The following JAK2 variants were observed in gnomAD, a reference collection of about 807,000 sequenced individuals.
JAK2 encodes tyrosine-protein kinase JAK2.
Under a neutral mutation model 139.3 loss-of-function variants are expected in JAK2, and 86 were observed. That is an observed-to-expected ratio of 0.62 (90% CI 0.52 to 0.74). JAK2 has a LOEUF of 0.74. Ranked by LOEUF, JAK2 falls within the 30% of genes least tolerant of loss-of-function variation. The probability of loss-of-function intolerance (pLI) is 0.00; values close to 1 mark genes in which losing one functional copy is unlikely to be tolerated. For synonymous variants in JAK2, 490 were observed against 437.7 expected (o/e 1.12, Z -1.49); for missense variants, 1,421 against 1,360.3 (o/e 1.04, Z -0.70).
intron 22 of JAK2, among the ~76,000 whole-genome samples, chr9:5,093,647 G>A (rs879002980): frequency 3.9e-5 from 6 of 151,986 alleles, no homozygotes; most frequent in African/African-American, 1.2e-4. Context: ...TTCAACCTCC[G>A]AACAACCTAA....
intron 22 of JAK2, among the ~76,000 whole-genome samples, chr9:5,095,801 T>A (rs1372036659): frequency 6.6e-6 from 1 of 152,218 alleles, no homozygotes; most frequent in African/African-American, 2.4e-5. Flanking sequence ...ATGATCCCAG[T>A]ACTAACTTAT....
At chr9:5,033,933 G>C (rs138051176) in intron 4 of JAK2, among the ~76,000 whole-genome samples, 191 of 152,244 alleles carry the variant, frequency 1.3e-3, no homozygotes, top group Non-Finnish European at 2.2e-3. Context: ...CCAATTAAAA[G>C]ACACAGACTG....
chr9:5,003,553 TTATATA>T (rs1821065485), intron 2 of JAK2, among the ~76,000 whole-genome samples: 1 of 152,094 alleles, frequency 6.6e-6, no homozygotes, highest in African/African-American at 2.4e-5. Context: ...CAGTTGATTT[TTATATA>T]TTGGTCTTGC....
chr9:5,010,671 T>C lies in JAK2; in HGVS notation c.-25-11292T>C, dbSNP rs140198100. ...AAATGGAAGAAGAATAATATTATAA[T>C]TAATCACATATTTACTATTTTTGAG... On this transcript the variant is annotated intron_variant, in intron 2 of 24. Transcript: ENST00000381652. 8.9e-3 allele frequency among the ~76,000 whole-genome samples: 1,357 copies of C among 152,314 alleles called. 17 individuals carry two copies. The highest frequency in any genetic ancestry group is 0.03 in the African/African-American group (1,232 of 41,574).
intron 22 of JAK2, among the ~76,000 whole-genome samples, chr9:5,119,742 T>G (rs1203941882): frequency 2.0e-5 from 3 of 152,178 alleles, no homozygotes; most frequent in Non-Finnish European, 2.9e-5. Context: ...GCAACTTGTA[T>G]GAAAATCAGA....
chr9:5,041,841 G>A (rs1268263863), intron 4 of JAK2: 1 of 475,514 alleles, frequency 2.1e-6, no homozygotes, highest in Non-Finnish European at 4.2e-6. Flanking sequence ...CACCAATGGG[G>A]AGCTGAACGC....
At chr9:5,012,340 T>A (rs942550185) in intron 2 of JAK2, among the ~76,000 whole-genome samples, 1 of 152,220 alleles carries the variant, frequency 6.6e-6, no homozygotes. Flanking sequence ...TTTGTTTCTT[T>A]GACAATGCCT....
At chr9:5,058,161 A>G (rs557599783) in intron 8 of JAK2, among the ~76,000 whole-genome samples, 1 of 152,296 alleles carries the variant, frequency 6.6e-6, no homozygotes, top group East Asian at 1.9e-4. Flanking sequence ...GGGTGTACAA[A>G]TATCTCTTGA....
chr9:5,110,608 T>C (rs545615932), intron 22 of JAK2: 6 of 190,288 alleles, frequency 3.2e-5, no homozygotes, highest in Middle Eastern at 4.3e-3. Context: ...CTTACAGATA[T>C]GCCTTTCTTC....
At chr9:5,030,313 T>C (rs1394908271) in intron 4 of JAK2, among the ~76,000 whole-genome samples, 1 of 152,192 alleles carries the variant, frequency 6.6e-6, no homozygotes, top group Non-Finnish European at 1.5e-5. Context: ...AAAGAGACTT[T>C]TCCCAGTGTG....
intron 2 of JAK2, among the ~76,000 whole-genome samples, chr9:5,009,301 G>C (rs1375076497): frequency 1.3e-5 from 2 of 152,110 alleles, no homozygotes; most frequent in East Asian, 1.9e-4. Flanking sequence ...ACTGCTTCAT[G>C]ATAAAGAATA....
intron 2 of JAK2, among the ~76,000 whole-genome samples, chr9:4,995,043 A>G (rs1319003029): frequency 6.6e-6 from 1 of 152,214 alleles, no homozygotes; most frequent in Non-Finnish European, 1.5e-5. Context: ...TGCCAAATTG[A>G]CATAGAAATA....
intron 22 of JAK2, among the ~76,000 whole-genome samples, chr9:5,120,839 C>T (rs1823561613): frequency 6.6e-6 from 1 of 152,058 alleles, no homozygotes; most frequent in Non-Finnish European, 1.5e-5. Flanking sequence ...AATTGAGCAG[C>T]TAAATAGATT....
rs186761320 is a variant in JAK2 at position 5,118,521 on chromosome 9, T to C, written c.3060-4483T>C. 7.0e-4 allele frequency among the ~76,000 whole-genome samples: 106 copies of C among 152,322 alleles called. 1 individual carries two copies. The highest frequency in any genetic ancestry group is 6.8e-3 in the South Asian group (33 of 4,826). On this transcript the variant is annotated intron_variant, in intron 22 of 24. Transcript: ENST00000381652. ...CAATGTAAATAACAAATTTGGATAA[T>C]TGCTTTAAAAATTTTATTGGTGAAT...
intron 22 of JAK2, chr9:5,114,003 G>A (rs1564018545): frequency 1.4e-5 from 4 of 275,992 alleles, no homozygotes; most frequent in African/African-American, 2.2e-5. Context: ...TGGGCAGGTC[G>A]TGGATGTGAA....
intron 22 of JAK2, chr9:5,099,019 C>T (rs1440705557): frequency 1.3e-5 from 2 of 152,044 alleles, no homozygotes; most frequent in African/African-American, 4.8e-5. Context: ...TTATATAACC[C>T]CAACACCAGA....
intron 2 of JAK2, among the ~76,000 whole-genome samples, chr9:5,000,683 G>A (rs1247944171): frequency 6.6e-6 from 1 of 151,980 alleles, no homozygotes. Context: ...TTTAGTGGAA[G>A]GTTTTAATAC....
chr9:5,048,472 G>C (rs988192982), intron 5 of JAK2, among the ~76,000 whole-genome samples: 5 of 152,064 alleles, frequency 3.3e-5, no homozygotes, highest in Non-Finnish European at 4.4e-5. Context: ...ACCAAGGCAG[G>C]CTATTAAAAA....
At chr9:5,115,523 G>C (rs944813906) in intron 22 of JAK2, among the ~76,000 whole-genome samples, 2 of 152,122 alleles carry the variant, frequency 1.3e-5, no homozygotes, top group Non-Finnish European at 1.5e-5. Flanking sequence ...AGGATCCAGA[G>C]TTAGAAATAC....
Sources: allele counts gnomAD v4.1 joint callset (sites outside exome capture counted in the v4.1 genomes callset), GRCh38; gene constraint gnomAD v4.1.1; transcripts MANE v1.5; gene names NCBI Gene and HGNC (gene_info 2026-07-23, HGNC 2026-07-21).